Variants in PSKH1 observed in about 807,000 individuals in gnomAD.
The protein encoded by PSKH1 is serine/threonine-protein kinase H1.
Under a neutral mutation model 26.7 loss-of-function variants are expected in PSKH1, and 12 were observed. That is an observed-to-expected ratio of 0.45 (90% confidence interval 0.29 to 0.73). The LOEUF is 0.73. PSKH1 is among the 30% of genes least tolerant of loss of function. The pLI is 0.11. For synonymous variants in PSKH1, 213 were observed against 234.3 expected, an observed-to-expected ratio of 0.91 and a Z score of 0.83; for missense variants, 431 against 595.2, an observed-to-expected ratio of 0.72 and a Z score of 2.87.
At chr16:67,920,875 A>G (rs532605164) in intron 2 of PSKH1, among the ~76,000 whole-genome samples, 1 of 152,056 alleles carries the variant, frequency 6.6e-6, no homozygotes, top group African/African-American at 2.4e-5. Flanking sequence ...ATATTGACCT[A>G]CCACTGGCCC....
chr16:67,913,671 A>G (rs1446575162), intron 2 of PSKH1, among the ~76,000 whole-genome samples: 1 of 152,140 alleles, frequency 6.6e-6, no homozygotes, highest in Non-Finnish European at 1.5e-5. Flanking sequence ...GTAAAGAGAA[A>G]CCAGAGCCCT....
chr16:67,915,214 T>A lies in PSKH1; in HGVS notation c.957+5508T>A, dbSNP rs879694869. Among the ~76,000 whole-genome samples the A allele has an allele frequency of 5.6e-4, 84 of 150,682 alleles. 1 individual carries two copies. Among genetic ancestry groups the A allele is most frequent in the Middle Eastern group, 3.4e-3 (1 of 292 alleles). On this transcript the variant is annotated intron_variant, in intron 2 of 2. Transcript: ENST00000291041. Reference sequence around the variant, plus strand: ...GTGAGTGAGAGAGAGAGAGAGTGTGTGTGTGTGTGTGTGTGTGTGTGTGTG... The same window carrying A: ...GTGAGTGAGAGAGAGAGAGAGTGTGAGTGTGTGTGTGTGTGTGTGTGTGTG...
chr16:67,916,776 A>G (rs1297899143), intron 2 of PSKH1, among the ~76,000 whole-genome samples: 1 of 152,146 alleles, frequency 6.6e-6, no homozygotes, highest in Non-Finnish European at 1.5e-5. Context: ...TGTAAGCCAC[A>G]GTATAGGAGG....
intron 1 of PSKH1, among the ~76,000 whole-genome samples, chr16:67,904,819 T>A (rs915282593): frequency 2.0e-5 from 3 of 149,330 alleles, no homozygotes; most frequent in African/African-American, 7.5e-5. Flanking sequence ...GGTCCTTTTT[T>A]AATTTTTTTT....
chr16:67,899,388 T>C (rs536345044), intron 1 of PSKH1, among the ~76,000 whole-genome samples: 1 of 141,998 alleles, frequency 7.0e-6, no homozygotes, highest in African/African-American at 2.7e-5. Flanking sequence ...CAGGCTGGAG[T>C]GCAGTGGCGC....
chr16:67,919,472 C>T (rs1270565611), intron 2 of PSKH1, among the ~76,000 whole-genome samples: 1 of 152,248 alleles, frequency 6.6e-6, no homozygotes, highest in African/African-American at 2.4e-5. Context: ...GTGCTGGATG[C>T]TTGTGCTGTC....
At chr16:67,900,728 G>A (rs1381733869) in intron 1 of PSKH1, among the ~76,000 whole-genome samples, 1 of 152,156 alleles carries the variant, frequency 6.6e-6, no homozygotes, top group African/African-American at 2.4e-5. Flanking sequence ...TCTGTCCAAT[G>A]TGCGTGCCTT....
intron 2 of PSKH1, among the ~76,000 whole-genome samples, chr16:67,910,411 A>G (rs1230004214): frequency 1.3e-5 from 2 of 152,220 alleles, no homozygotes; most frequent in Non-Finnish European, 2.9e-5. Context: ...GCAGCTTCTC[A>G]TCACTGTCCA....
At chr16:67,921,815 T>C (rs1393556450) in intron 2 of PSKH1, among the ~76,000 whole-genome samples, 1 of 152,196 alleles carries the variant, frequency 6.6e-6, no homozygotes, top group East Asian at 1.9e-4. Flanking sequence ...TCTTGAGTTG[T>C]GTCCTGTCTC....
At chr16:67,895,226 AT>A (rs575246879) in intron 1 of PSKH1, among the ~76,000 whole-genome samples, 166 of 143,178 alleles carry the variant, frequency 1.2e-3, no homozygotes, top group Non-Finnish European at 1.2e-3. Flanking sequence ...CCTGGCTGAG[AT>A]TTTTTTTTTT....
At chr16:67,916,253 A>T (rs112191247) in intron 2 of PSKH1, among the ~76,000 whole-genome samples, 11 of 152,094 alleles carry the variant, frequency 7.2e-5, no homozygotes, top group Non-Finnish European at 1.2e-4. Context: ...GGAGGTATGC[A>T]TTCTTCACCA....
At chr16:67,894,532 C>T (rs1244615995) in intron 1 of PSKH1, among the ~76,000 whole-genome samples, 1 of 152,248 alleles carries the variant, frequency 6.6e-6, no homozygotes, top group African/African-American at 2.4e-5. Flanking sequence ...TGGAAACTTA[C>T]ATCTGTCCTA....
rs546594834 is a variant in PSKH1 at position 67,898,232 on chromosome 16, C to A, written c.-71+4861C>A. Among the ~76,000 whole-genome samples, 4 of 152,032 alleles carry A rather than the reference C, an allele frequency of 2.6e-5. No homozygotes were observed. In the South Asian group the frequency reaches 8.3e-4, roughly 32 times the overall value. ...TGGGCTCAAGAGTTCGAGAACAAGCCTGGGCAACATGGTGAAACCCTGTCT... is the reference window on the plus strand; with the variant it reads ...TGGGCTCAAGAGTTCGAGAACAAGCATGGGCAACATGGTGAAACCCTGTCT... On this transcript the variant is annotated intron_variant, in intron 1 of 2. Coordinates refer to ENST00000291041, the MANE Select transcript of PSKH1 (RefSeq NM_006742.3).
chr16:67,899,091 G>GC (rs1191494435), intron 1 of PSKH1, among the ~76,000 whole-genome samples: 2 of 152,150 alleles, frequency 1.3e-5, no homozygotes, highest in Non-Finnish European at 2.9e-5. Flanking sequence ...CTTGCTCCCT[G>GC]CCCCGGGACC....
chr16:67,916,751 G>A (rs771341192), intron 2 of PSKH1, among the ~76,000 whole-genome samples: 10 of 152,126 alleles, frequency 6.6e-5, no homozygotes, highest in Non-Finnish European at 1.5e-4. Context: ...CAGGGAGTGG[G>A]ATCCACATGG....
At chr16:67,896,569 T>A (rs1238189129) in intron 1 of PSKH1, among the ~76,000 whole-genome samples, 1 of 127,666 alleles carries the variant, frequency 7.8e-6, no homozygotes, top group Non-Finnish European at 1.6e-5. Flanking sequence ...TGAGACGGAG[T>A]TTTGCTCTTG....
intron 1 of PSKH1, among the ~76,000 whole-genome samples, chr16:67,906,673 ATAAT>A (rs2058156917): frequency 6.6e-6 from 1 of 152,032 alleles, no homozygotes; most frequent in South Asian, 2.1e-4. Flanking sequence ...CCTGTGTGTC[ATAAT>A]TAATAGGAAA....
At chr16:67,906,608 G>C (rs1342646947) in intron 1 of PSKH1, among the ~76,000 whole-genome samples, 1 of 151,370 alleles carries the variant, frequency 6.6e-6, no homozygotes, top group Non-Finnish European at 1.5e-5. Context: ...CAAGTGATCC[G>C]CCCACCTCGG....
chr16:67,894,071 C>T (rs1218714534), intron 1 of PSKH1, among the ~76,000 whole-genome samples: 3 of 152,222 alleles, frequency 2.0e-5, no homozygotes, highest in African/African-American at 7.2e-5. Context: ...CAATCAACAC[C>T]GGAGCACTTC....
Sources: gnomAD v4.1 joint callset for allele counts (sites outside exome capture counted in the v4.1 genomes callset) on GRCh38, gnomAD v4.1.1 for gene constraint, MANE v1.5 for transcripts, NCBI Gene and HGNC (gene_info 2026-07-23, HGNC 2026-07-21) for gene names.